MACROD2: variants seen among roughly 807,000 people sequenced by gnomAD.
MACROD2 encodes mono-ADP ribosylhydrolase 2.
In MACROD2, 36 loss-of-function variants were observed where a neutral mutation model predicts 70.4. The ratio of observed to expected loss-of-function variants is 0.51; its 90% CI spans 0.39 to 0.68. MACROD2 has a LOEUF of 0.68. Among genes scored for constraint, MACROD2 ranks in the 30% least tolerant of loss-of-function variants. MACROD2 has a pLI of 0.00. For missense variants in MACROD2, 496 were observed against 538.4 expected, an observed-to-expected ratio of 0.92 and a Z score of 0.78; for synonymous variants, 172 against 178.8, an observed-to-expected ratio of 0.96 and a Z score of 0.30.
chr20:15,184,385 C>A (rs776155179), intron 5 of MACROD2, among the ~76,000 whole-genome samples: 1 of 152,200 alleles, frequency 6.6e-6, no homozygotes, highest in Non-Finnish European at 1.5e-5. Context: ...ATTTTACCCA[C>A]ATGTGTCAGT....
At chr20:14,456,713 CTTTTTTTTTT>C (rs10696382) in intron 3 of MACROD2, among the ~76,000 whole-genome samples, 1 of 101,132 alleles carries the variant, frequency 9.9e-6, no homozygotes, top group Admixed American at 1.3e-4. Flanking sequence ...GACTCAGGAT[CTTTTTTTTTT>C]TTTTTTTTTT....
chr20:15,633,434 G>C (rs2146756185), intron 8 of MACROD2, among the ~76,000 whole-genome samples: 1 of 152,328 alleles, frequency 6.6e-6, no homozygotes, highest in East Asian at 1.9e-4. Context: ...AGTGTGACAA[G>C]TGAGAAGTAA....
chr20:15,877,898 G>A (rs553655133), intron 9 of MACROD2, among the ~76,000 whole-genome samples: 18 of 152,208 alleles, frequency 1.2e-4, no homozygotes, highest in African/African-American at 3.8e-4. Context: ...CTGCCCATAT[G>A]TACGGATGTT....
chr20:14,705,642 C>G (rs780803124), intron 5 of MACROD2, among the ~76,000 whole-genome samples: 16 of 152,108 alleles, frequency 1.1e-4, no homozygotes, highest in Admixed American at 7.9e-4. Flanking sequence ...GTTTTCAGAA[C>G]CTTTTGACTA....
intron 5 of MACROD2, among the ~76,000 whole-genome samples, chr20:14,835,386 A>G (rs1332584909): frequency 6.6e-6 from 1 of 152,112 alleles, no homozygotes; most frequent in African/African-American, 2.4e-5. Context: ...ATAGTCAGTA[A>G]GGTCTAAGAG....
At chr20:15,568,645 G>A (rs936912502) in intron 8 of MACROD2, among the ~76,000 whole-genome samples, 3 of 152,128 alleles carry the variant, frequency 2.0e-5, no homozygotes, top group Non-Finnish European at 4.4e-5. Context: ...TAGTCATGTA[G>A]TTCCAAATGA....
chr20:14,633,171 T>C (rs901587721), intron 4 of MACROD2, among the ~76,000 whole-genome samples: 5 of 152,252 alleles, frequency 3.3e-5, no homozygotes, highest in Non-Finnish European at 5.9e-5. Flanking sequence ...TGTGGTCACG[T>C]TGCCTTCCCC....
intron 4 of MACROD2, among the ~76,000 whole-genome samples, chr20:14,645,608 A>T (rs2123499936): frequency 6.6e-6 from 1 of 152,210 alleles, no homozygotes; most frequent in East Asian, 1.9e-4. Flanking sequence ...TTTAGCTATC[A>T]TACTTCCGTG....
intron 4 of MACROD2, among the ~76,000 whole-genome samples, chr20:14,494,580 G>C (rs894559175): frequency 1.3e-5 from 2 of 152,128 alleles, no homozygotes; most frequent in Non-Finnish European, 2.9e-5. Context: ...GACCAGGAAA[G>C]CATTACTAAA....
chr20:15,693,985 G>A (rs867783425), intron 8 of MACROD2, among the ~76,000 whole-genome samples: 5 of 152,014 alleles, frequency 3.3e-5, no homozygotes, highest in Admixed American at 6.5e-5. Context: ...CCATTGCTGA[G>A]TTACTTCACT....
chr20:15,074,891 A>G (rs376296926), intron 5 of MACROD2, among the ~76,000 whole-genome samples: 38 of 152,350 alleles, frequency 2.5e-4, no homozygotes, highest in African/African-American at 9.1e-4. Context: ...TGCAAGCGAT[A>G]CACACATCCA....
At chr20:15,405,950 C>G (rs1461565940) in intron 6 of MACROD2, among the ~76,000 whole-genome samples, 2 of 152,158 alleles carry the variant, frequency 1.3e-5, no homozygotes, top group South Asian at 2.1e-4. Context: ...TTCAGCGCTT[C>G]TTAGTGTCTG....
chr20:15,738,788 G>GT (rs1363147945), intron 8 of MACROD2, among the ~76,000 whole-genome samples: 1 of 152,052 alleles, frequency 6.6e-6, no homozygotes, highest in Non-Finnish European at 1.5e-5. Flanking sequence ...TGGATCTTGG[G>GT]GTCAAGCAGA....
At chr20:15,377,331 A>T (rs1259636639) in intron 6 of MACROD2, among the ~76,000 whole-genome samples, 1 of 152,250 alleles carries the variant, frequency 6.6e-6, no homozygotes, top group Non-Finnish European at 1.5e-5. Flanking sequence ...GAAGACTGTG[A>T]TAAAAAGAAA....
intron 3 of MACROD2, among the ~76,000 whole-genome samples, chr20:14,488,959 T>G (rs2084764245): frequency 1.3e-5 from 2 of 152,196 alleles, no homozygotes; most frequent in Non-Finnish European, 2.9e-5. Flanking sequence ...AAGTAAGACT[T>G]CCAATCTCTG....
intron 6 of MACROD2, among the ~76,000 whole-genome samples, chr20:15,313,302 C>G (rs1406854299): frequency 6.6e-6 from 1 of 151,764 alleles, no homozygotes; most frequent in South Asian, 2.1e-4. Context: ...GTCAGGAGAT[C>G]GAGACCATCC....
At chr20:14,072,050 A>G (rs1358610127) in intron 2 of MACROD2, among the ~76,000 whole-genome samples, 1 of 152,236 alleles carries the variant, frequency 6.6e-6, no homozygotes, top group Non-Finnish European at 1.5e-5. Flanking sequence ...AAACATAAAT[A>G]GAAGATACAT....
At chr20:14,923,808 G>A (rs2036756497) in intron 5 of MACROD2, among the ~76,000 whole-genome samples, 2 of 125,874 alleles carry the variant, frequency 1.6e-5, no homozygotes, top group Non-Finnish European at 3.4e-5. Flanking sequence ...GGGGGGCGGC[G>A]GGGCGGGGAG....
intron 8 of MACROD2, among the ~76,000 whole-genome samples, chr20:15,554,884 A>G (rs1182251960): frequency 1.3e-5 from 2 of 152,246 alleles, no homozygotes; most frequent in African/African-American, 2.4e-5. Context: ...CTACATGCAT[A>G]CTAATCTTCT....
Sources: gnomAD v4.1 joint callset for allele counts (sites outside exome capture counted in the v4.1 genomes callset) on GRCh38, gnomAD v4.1.1 for gene constraint, MANE v1.5 for transcripts, NCBI Gene and HGNC (gene_info 2026-07-23, HGNC 2026-07-21) for gene names.